The following TLK2 variants were observed in gnomAD, a reference collection of about 807,000 sequenced individuals.
TLK2 encodes the protein serine/threonine-protein kinase tousled-like 2.
In TLK2, 6 loss-of-function variants were observed where a neutral mutation model predicts 117.3. The ratio of observed to expected loss-of-function variants is 0.05; its 90% CI spans 0.03 to 0.10. The LOEUF (loss-of-function observed/expected upper bound fraction) is 0.10, where lower values mean the gene tolerates loss of function less well. Ranked by LOEUF, TLK2 falls within the 10% of genes least tolerant of loss-of-function variation. The pLI is 1.00. For synonymous variants in TLK2, 257 were observed against 316.7 expected (o/e 0.81, Z 2.00); for missense variants, 299 against 901.2 (o/e 0.33, Z 8.56).
intron 2 of TLK2, among the ~76,000 whole-genome samples, chr17:62,511,251 C>T (rs893523164): frequency 2.0e-5 from 3 of 152,200 alleles, no homozygotes; most frequent in African/African-American, 7.2e-5. Context: ...TTTCCTGCTA[C>T]GCGTTTGTAG....
chr17:62,473,215 T>C (rs532828282), intron 1 of TLK2, among the ~76,000 whole-genome samples: 6 of 152,234 alleles, frequency 3.9e-5, no homozygotes, highest in African/African-American at 1.2e-4. Flanking sequence ...AAGGGCATAG[T>C]CCAGCCCAAG....
In TLK2 at chr17:62,546,213, A is replaced by G. The variant is rs143632091; in HGVS notation, c.532-6089A>G. The stretch of plus-strand genomic sequence containing the variant: ...TCTTTTGTAGAGACAGGGTTTTGCT[A>G]TGTTGGCCAGGGTGGTCTGGAACTC... On this transcript the variant is annotated intron_variant, in intron 7 of 21. Transcript: ENST00000346027. Among the ~76,000 whole-genome samples, 530 of 152,062 alleles carry G rather than the reference A, an allele frequency of 3.5e-3. 5 individuals are homozygous for G. The highest frequency in any genetic ancestry group is 0.012 in the African/African-American group (510 of 41,460).
At chr17:62,506,241 C>T (rs774257827) in intron 2 of TLK2, among the ~76,000 whole-genome samples, 10 of 152,176 alleles carry the variant, frequency 6.6e-5, no homozygotes, top group Non-Finnish European at 1.2e-4. Flanking sequence ...CTGTCTTCTC[C>T]AGACAGATAG....
chr17:62,570,627 T>C lies in TLK2; in HGVS notation c.969-2588T>C, dbSNP rs144406769. Among the ~76,000 whole-genome samples, 19 of 152,324 alleles carry C rather than the reference T, an allele frequency of 1.2e-4. No homozygotes were observed. The East Asian group carries it at 3.5e-3, about 28-fold the overall frequency. ...GTTTCAGGAACATCAAGAATTGATA[T>C]GGGAATCCTTAAAATACGTAACATT... On this transcript the variant is annotated intron_variant, in intron 11 of 21. Coordinates refer to ENST00000346027, the MANE Select transcript of TLK2 (RefSeq NM_006852.6).
At chr17:62,472,223 C>T (rs1457782607) in intron 1 of TLK2, among the ~76,000 whole-genome samples, 1 of 151,824 alleles carries the variant, frequency 6.6e-6, no homozygotes, top group Non-Finnish European at 1.5e-5. Flanking sequence ...CTTAAGACTT[C>T]ACAAATCAAA....
rs2083945406 is a variant in TLK2 at position 62,613,755 on chromosome 17, T to C, written c.*1190T>C. 2 of 152,312 alleles carry C rather than the reference T, an allele frequency of 1.3e-5. No individual in the cohort carries two copies. The highest frequency in any genetic ancestry group is 3.9e-4 in the East Asian group (2 of 5,188). The allele number at this position is 152,312 out of a possible 1,614,324, so 9.4% of individuals were successfully genotyped here. On this transcript the variant is annotated 3_prime_UTR_variant, in exon 22 of 22. Coordinates refer to ENST00000346027, the MANE Select transcript of TLK2 (RefSeq NM_006852.6). ...GTGTGTGGTGGTGTGTGTCTGTGTGTGCATGTACACACACACTTTGTCTAG... is the reference window on the plus strand; with the variant it reads ...GTGTGTGGTGGTGTGTGTCTGTGTGCGCATGTACACACACACTTTGTCTAG...
At position 62,588,767 on chromosome 17, in the gene TLK2, T is replaced by G. The variant is rs892420209; in HGVS notation, c.1460+2541T>G. On this transcript the variant is annotated intron_variant, in intron 16 of 21. Transcript: ENST00000346027. ...CTTTCTAAGTGATATAAAATCATAC[T>G]CATGCATTTCAGGCTATAGAAAATG... is the stretch of plus-strand genomic sequence containing the variant. 7.2e-5 allele frequency among the ~76,000 whole-genome samples: 11 copies of G among 152,320 alleles called. No individual in the cohort carries two copies. In the East Asian group the frequency reaches 2.1e-3, roughly 29 times the overall value.
chr17:62,533,479 ATTTT>A (rs1257061379), intron 6 of TLK2, among the ~76,000 whole-genome samples: 1 of 115,002 alleles, frequency 8.7e-6, no homozygotes, highest in Non-Finnish European at 1.8e-5. Flanking sequence ...TGTGTGTGTA[ATTTT>A]TTTTTTTTTT....
intron 2 of TLK2, among the ~76,000 whole-genome samples, chr17:62,508,840 C>T (rs536570027): frequency 1.2e-4 from 19 of 152,120 alleles, no homozygotes; most frequent in African/African-American, 2.4e-5. Flanking sequence ...TGGTGGTGTG[C>T]GCTTGTAATC....
At chr17:62,530,231 A>G (rs905486493) in intron 6 of TLK2, among the ~76,000 whole-genome samples, 1 of 152,130 alleles carries the variant, frequency 6.6e-6, no homozygotes, top group Non-Finnish European at 1.5e-5. Context: ...CCGAGATCAC[A>G]CCACTGCACT....
chr17:62,471,274 A>G (rs1455222022), intron 1 of TLK2, among the ~76,000 whole-genome samples: 13 of 152,198 alleles, frequency 8.5e-5, no homozygotes, highest in Admixed American at 7.9e-4. Context: ...ACTCAAAAGC[A>G]GTTAGCATAG....
At chr17:62,477,090 C>CA (rs368864224), upstream of TLK2, among the ~76,000 whole-genome samples, 2,123 of 144,858 alleles carry the variant, frequency 0.015, 21 homozygotes, top group South Asian at 0.041. Context: ...GACTCTGTCT[C>CA]AAAAAAAAAA....
Position 62,575,677 on chromosome 17 carries a change from C to G in TLK2, c.1122-1032C>G, listed in dbSNP as rs186357911. 4.0e-5 allele frequency among the ~76,000 whole-genome samples: 6 copies of G among 151,572 alleles called. No individual in the cohort carries two copies. The East Asian group carries it at 1.2e-3, about 29-fold the overall frequency. Reference sequence around the variant, plus strand: ...TTTTATTTTCTTTCTTTCTGTCTTTCTCTCTCTCTCTCTTTCTTTTCTTTT... The same window carrying G: ...TTTTATTTTCTTTCTTTCTGTCTTTGTCTCTCTCTCTCTTTCTTTTCTTTT... On this transcript the variant is annotated intron_variant, in intron 12 of 21. Coordinates refer to ENST00000346027, the MANE Select transcript of TLK2 (RefSeq NM_006852.6).
intron 7 of TLK2, among the ~76,000 whole-genome samples, chr17:62,546,344 G>GTTTTTTTTTTTTTTTTTT (rs61100480): frequency 0.042 from 984 of 23,258 alleles, 420 homozygotes; most frequent in East Asian, 0.071. Flanking sequence ...TTTGTTGATT[G>GTTTTTTTTTTTTTTTTTT]TTTTTTTTTT....
chr17:62,529,089 T>G (rs2076568657), intron 6 of TLK2, among the ~76,000 whole-genome samples: 1 of 152,236 alleles, frequency 6.6e-6, no homozygotes, highest in Non-Finnish European at 1.5e-5. Flanking sequence ...TATTTTTGGC[T>G]GTTCTATCAA....
chr17:62,529,520 C>T lies in TLK2; in HGVS notation c.363+5189C>T, dbSNP rs575093891. Among the ~76,000 whole-genome samples the T allele has an allele frequency of 5.3e-5, 8 of 152,294 alleles. No individual in the cohort carries two copies. In the East Asian group the frequency reaches 1.5e-3, roughly 29 times the overall value. On this transcript the variant is annotated intron_variant, in intron 6 of 21. Transcript: ENST00000346027. ...AAGTATTGGGATTATAGGCATGAGCCCCTGAGCCTGGCTGAAGCCCTTTGC... is the reference window on the plus strand; with the variant it reads ...AAGTATTGGGATTATAGGCATGAGCTCCTGAGCCTGGCTGAAGCCCTTTGC...
chr17:62,522,231 C>G lies in TLK2; in HGVS notation c.181C>G (p.Arg61Gly), dbSNP rs1567844041. The G allele has an allele frequency of 6.2e-7, 1 of 1,612,428 alleles. No individual in the cohort carries two copies. The change falls in exon 4 of 22, where the codon CGA becomes GGA. Residue 61 changes from arginine (R) to glycine (G), a missense_variant. Physicochemically the swap from Arg to Gly is moderately radical, Grantham distance 125. Transcript: ENST00000346027. ...TCCCGAGAAAAAGCAGAATGACCAG[C>G]GAAATCGGAAAAGAAAAGCTGAACC... ...ETPEKKQNDQ[R>G]NRKRKAEPYE...
In TLK2 at chr17:62,613,589, T is replaced by C. The variant is rs199581083; in HGVS notation, c.*1024T>C. 6.6e-6 allele frequency: 1 copy of C among 152,536 alleles called. No individual in the cohort carries two copies. 9.4% of individuals were successfully genotyped at this position (152,536 alleles called of 1,614,324 possible). ...AGACACTCCAGGGATCAGTAGTTCCTACCCATAGTCTTTGTGTGCTTGCTA... is the reference window on the plus strand; with the variant it reads ...AGACACTCCAGGGATCAGTAGTTCCCACCCATAGTCTTTGTGTGCTTGCTA... On this transcript the variant is annotated 3_prime_UTR_variant, in exon 22 of 22. Transcript: ENST00000346027.
At chr17:62,611,567 T>C (rs557684858) in intron 21 of TLK2, among the ~76,000 whole-genome samples, 9 of 152,340 alleles carry the variant, frequency 5.9e-5, no homozygotes, top group African/African-American at 1.7e-4. Flanking sequence ...AATGAACCTA[T>C]CTGTACCGAC....
Sources: gnomAD v4.1 joint callset for allele counts (sites outside exome capture counted in the v4.1 genomes callset) on GRCh38, gnomAD v4.1.1 for gene constraint, MANE v1.5 for transcripts, NCBI Gene and HGNC (gene_info 2026-07-23, HGNC 2026-07-21) for gene names.